The following GPC3 variants were observed in gnomAD, a reference collection of about 807,000 sequenced individuals.
The protein encoded by GPC3 is glypican-3.
GPC3 carries 3 observed loss-of-function variants against 34.4 expected under a neutral mutation model. The observed-to-expected ratio is 0.09, with a 90% confidence interval of 0.04 to 0.23. The LOEUF is 0.23. GPC3 is among the 10% of genes least tolerant of loss of function. The pLI, the probability that GPC3 is intolerant of heterozygous loss-of-function variation, is 1.00. For missense variants in GPC3, 351 were observed against 445.6 expected (o/e 0.79, Z 1.91); for synonymous variants, 177 against 174.0 (o/e 1.02, Z -0.13).
intron 6 of GPC3, among the ~76,000 whole-genome samples, chrX:133,623,701 A>T (rs943569142): frequency 9.0e-6 from 1 of 111,653 alleles, no homozygotes; most frequent in Admixed American, 9.5e-5. Flanking sequence ...CTTCCACACA[A>T]TAATAATGGG....
chrX:133,944,621 T>A (rs1345349290), intron 2 of GPC3, among the ~76,000 whole-genome samples: 1 of 112,115 alleles, frequency 8.9e-6, no homozygotes, highest in African/African-American at 3.2e-5. Flanking sequence ...TATCTCTGAA[T>A]GAGAGGATTA....
At chrX:133,788,277 G>A (rs997437461) in intron 2 of GPC3, among the ~76,000 whole-genome samples, 6 of 106,697 alleles carry the variant, frequency 5.6e-5, no homozygotes, top group South Asian at 4.4e-4. Context: ...CTCTGCTCCT[G>A]GGCTCTAGGA....
In GPC3 at chrX:133,536,187, G is replaced by A. The variant is rs748480657; in HGVS notation, c.1680C>T (p.Ser560=). ...CCATGCTGGTGAGAAGCTTCAGCGG[G>A]GAATGAACGTTCCCGAGGTTGTGAA... The part of the protein sequence containing the change: ...STFHNLGNVH[S]PLKLLTSMAI... The change falls in exon 8 of 8, where the codon TCC becomes TCT. Residue 560 remains serine (S), a synonymous_variant. Coordinates refer to ENST00000370818, the MANE Select transcript of GPC3 (RefSeq NM_004484.4). 52 of 1,203,107 alleles carry A rather than the reference G, an allele frequency of 4.3e-5. No individual in the cohort carries two copies. The highest frequency in any genetic ancestry group is 3.0e-5 in the Non-Finnish European group (27 of 890,528).
Position 133,896,547 on chromosome X carries a change from T to C in GPC3, c.337+56503A>G, listed in dbSNP as rs747184763. Among the ~76,000 whole-genome samples the C allele has an allele frequency of 2.7e-5, 3 of 111,331 alleles. No homozygotes were observed. In the East Asian group the frequency reaches 8.5e-4, roughly 32 times the overall value. ...AGTAATGGTATCTTCGGAAAGTAGG[T>C]TCCTGGTAGTCAAATTTGTACTCAG... On this transcript the variant is annotated intron_variant, in intron 2 of 7. Coordinates refer to ENST00000370818, the MANE Select transcript of GPC3 (RefSeq NM_004484.4).
intron 1 of GPC3, among the ~76,000 whole-genome samples, chrX:133,975,475 T>C (rs1025786215): frequency 1.8e-5 from 2 of 110,989 alleles, no homozygotes; most frequent in Non-Finnish European, 3.8e-5. Context: ...TCACCCAGGC[T>C]GGAGTGTGGT....
At chrX:133,584,930 C>CAAAAAAAAAAAAAAACA (rs2069772176) in intron 7 of GPC3, among the ~76,000 whole-genome samples, 4 of 68,274 alleles carry the variant, frequency 5.9e-5, no homozygotes, top group African/African-American at 1.1e-4. Context: ...TATAAAAAGC[C>CAAAAAAAAAAAAAAACA]AAAAAAAAAA....
chrX:133,666,011 C>T (rs2070764433), intron 5 of GPC3, among the ~76,000 whole-genome samples: 1 of 111,494 alleles, frequency 9.0e-6, no homozygotes, highest in Non-Finnish European at 1.9e-5. Context: ...CAAGCGTCTT[C>T]CCAAAGCTTC....
At chrX:133,908,014 C>A (rs2076177571) in intron 2 of GPC3, among the ~76,000 whole-genome samples, 1 of 110,340 alleles carries the variant, frequency 9.1e-6, no homozygotes, top group African/African-American at 3.3e-5. Flanking sequence ...GTTTTTGCAT[C>A]TCCTTGATAC....
chrX:133,720,918 C>G (rs2071358815), intron 3 of GPC3, among the ~76,000 whole-genome samples: 1 of 110,035 alleles, frequency 9.1e-6, no homozygotes, highest in African/African-American at 3.3e-5. Flanking sequence ...GAATAAAATA[C>G]TACACATTGG....
intron 6 of GPC3, among the ~76,000 whole-genome samples, chrX:133,628,768 C>T (rs1219698060): frequency 9.0e-6 from 1 of 110,859 alleles, no homozygotes; most frequent in Non-Finnish European, 1.9e-5. Flanking sequence ...TTTACGCAAC[C>T]AACATTTTAT....
At chrX:133,800,422 G>A (rs1411486134) in intron 2 of GPC3, among the ~76,000 whole-genome samples, 2 of 112,015 alleles carry the variant, frequency 1.8e-5, no homozygotes, top group Non-Finnish European at 3.8e-5. Context: ...GACTTGAGCA[G>A]AGAATTCCAA....
At chrX:133,652,335 G>A (rs953117958) in intron 6 of GPC3, among the ~76,000 whole-genome samples, 3 of 110,796 alleles carry the variant, frequency 2.7e-5, no homozygotes, top group African/African-American at 6.6e-5. Context: ...ATTTGGTTTC[G>A]TCAGCTGCTT....
At chrX:133,638,182 C>G (rs761838937) in intron 6 of GPC3, among the ~76,000 whole-genome samples, 1 of 111,866 alleles carries the variant, frequency 8.9e-6, no homozygotes, top group Admixed American at 9.5e-5. Flanking sequence ...TTTGGCTTGC[C>G]TGCTTATTCC....
intron 3 of GPC3, among the ~76,000 whole-genome samples, chrX:133,749,179 TG>T (rs1319004120): frequency 8.9e-6 from 1 of 111,981 alleles, no homozygotes; most frequent in Non-Finnish European, 1.9e-5. Flanking sequence ...GAGAATCGCA[TG>T]GGCCCAGGAG....
At chrX:133,646,136 T>A (rs1285890359) in intron 6 of GPC3, among the ~76,000 whole-genome samples, 2 of 105,234 alleles carry the variant, frequency 1.9e-5, no homozygotes, top group African/African-American at 7.0e-5. Flanking sequence ...GCAGTGACTA[T>A]CTCATTGATT....
In GPC3 at chrX:133,536,227, T is replaced by C. The variant is rs2069289549; in HGVS notation, c.1640A>G (p.Asn547Ser). 2 of 1,203,931 alleles carry C rather than the reference T, an allele frequency of 1.7e-6. No individual in the cohort carries two copies. Among genetic ancestry groups the C allele is most frequent in the Non-Finnish European group, 1.1e-6 (1 of 889,372 alleles). Residue 547 changes from asparagine (N) to serine (S), a missense_variant, in exon 8 of 8, where the codon AAC becomes AGC. By Grantham distance (46) the Asn-to-Ser change is conservative (BLOSUM62 1). Transcript: ENST00000370818. ...GNSQQATPKD[N>S]EISTFHNLGN... ...GAGGTTGTGAAAGGTGCTTATCTCG[T>C]TGTCCTTCGGAGTTGCCTGCTGACT... is the stretch of plus-strand genomic sequence containing the variant.
At chrX:133,593,351 AAG>A (rs2069873130) in intron 7 of GPC3, among the ~76,000 whole-genome samples, 2 of 103,601 alleles carry the variant, frequency 1.9e-5, no homozygotes, top group Non-Finnish European at 3.9e-5. Flanking sequence ...AAAAAAAAAA[AAG>A]TAAAAAAAAA....
At chrX:133,914,914 G>C (rs1229966655) in intron 2 of GPC3, among the ~76,000 whole-genome samples, 2 of 77,282 alleles carry the variant, frequency 2.6e-5, no homozygotes, top group Admixed American at 1.5e-4. Context: ...ATGCAGCATA[G>C]ATGCTTATGT....
intron 2 of GPC3, among the ~76,000 whole-genome samples, chrX:133,876,879 T>C (rs1352613456): frequency 2.7e-5 from 3 of 111,557 alleles, no homozygotes; most frequent in African/African-American, 9.8e-5. Flanking sequence ...TTCATCTTCT[T>C]CCAAAAAATG....
Sources: gnomAD v4.1 joint callset for allele counts (sites outside exome capture counted in the v4.1 genomes callset) on GRCh38, gnomAD v4.1.1 for gene constraint, MANE v1.5 for transcripts, NCBI Gene and HGNC (gene_info 2026-07-23, HGNC 2026-07-21) for gene names.